Variants in ATP8A1 observed in about 807,000 individuals in gnomAD.
ATP8A1 encodes the protein ATPase phospholipid transporting 8A1.
Under a neutral mutation model 177.7 loss-of-function variants are expected in ATP8A1, and 90 were observed. That is an observed-to-expected ratio of 0.51 (90% confidence interval 0.43 to 0.60). The LOEUF (loss-of-function observed/expected upper bound fraction) is 0.60. Among genes scored for constraint, ATP8A1 ranks in the 20% least tolerant of loss-of-function variants. The pLI is 0.00. For missense variants in ATP8A1, 1,072 were observed against 1,392.8 expected, an observed-to-expected ratio of 0.77 and a Z score of 3.67; for synonymous variants, 493 against 485.9, an observed-to-expected ratio of 1.01 and a Z score of -0.19.
chr4:42,602,630 A>G (rs1042184861), intron 5 of ATP8A1, among the ~76,000 whole-genome samples: 142 of 152,186 alleles, frequency 9.3e-4, no homozygotes, highest in African/African-American at 3.3e-3. Flanking sequence ...TTAGCCAGGC[A>G]TGGTGGCGCA....
intron 9 of ATP8A1, among the ~76,000 whole-genome samples, chr4:42,584,724 C>G (rs909297590): frequency 6.6e-6 from 1 of 152,194 alleles, no homozygotes; most frequent in African/African-American, 2.4e-5. Context: ...ATCCTCATGG[C>G]TTTAAATATC....
chr4:42,543,230 C>A (rs1728583822), intron 20 of ATP8A1, among the ~76,000 whole-genome samples: 1 of 151,848 alleles, frequency 6.6e-6, no homozygotes, highest in Admixed American at 6.6e-5. Flanking sequence ...TTCTATGAGA[C>A]AAAGCAAGGT....
At chr4:42,634,298 G>C (rs558431661) in intron 1 of ATP8A1, among the ~76,000 whole-genome samples, 2 of 152,202 alleles carry the variant, frequency 1.3e-5, no homozygotes, top group Non-Finnish European at 2.9e-5. Flanking sequence ...AAGAAATGTA[G>C]GATTTTTAAA....
At chr4:42,433,354 C>T (rs1476916563) in intron 33 of ATP8A1, among the ~76,000 whole-genome samples, 1 of 152,206 alleles carries the variant, frequency 6.6e-6, no homozygotes, top group Non-Finnish European at 1.5e-5. Flanking sequence ...TGTGGGACTA[C>T]TCCATGACAA....
intron 25 of ATP8A1, among the ~76,000 whole-genome samples, chr4:42,482,822 A>G (rs1158188239): frequency 6.6e-6 from 1 of 152,218 alleles, no homozygotes; most frequent in Non-Finnish European, 1.5e-5. Flanking sequence ...GCAGAGGAAG[A>G]TCAGATTCTG....
At chr4:42,613,177 T>C (rs965054765) in intron 5 of ATP8A1, among the ~76,000 whole-genome samples, 2 of 152,268 alleles carry the variant, frequency 1.3e-5, no homozygotes, top group Non-Finnish European at 2.9e-5. Context: ...TCGAACATTT[T>C]TGTTATCTCC....
chr4:42,455,316 G>C lies in ATP8A1; in HGVS notation c.2798C>G (p.Ala933Gly), dbSNP rs771647511. ...TCCTACCTTGGTGTTGAAGTCCAGG[G>C]CATTCTGAGATGTTTTGTATAATTC... is the stretch of plus-strand genomic sequence containing the variant. Reference protein sequence around the residue: ...YPELYKTSQNALDFNTKVFWV... With the variant: ...YPELYKTSQNGLDFNTKVFWV... Residue 933 changes from alanine (A) to glycine (G), a missense_variant, in exon 29 of 37, where the codon GCC (alanine) becomes GGC (glycine). By Grantham distance (60) the Ala-to-Gly change is moderately conservative. Coordinates refer to ENST00000381668, the MANE Select transcript of ATP8A1 (RefSeq NM_006095.2). 3.1e-6 allele frequency: 5 copies of C among 1,613,632 alleles called. No individual in the cohort carries two copies. The Admixed American group carries it at 8.3e-5, about 27-fold the overall frequency.
At chr4:42,541,264 T>A (rs1728360401) in intron 20 of ATP8A1, among the ~76,000 whole-genome samples, 1 of 152,186 alleles carries the variant, frequency 6.6e-6, no homozygotes, top group South Asian at 2.1e-4. Context: ...TAAATAAGCA[T>A]ATGAAAAAAT....
At chr4:42,515,607 G>C (rs2153196584) in intron 22 of ATP8A1, among the ~76,000 whole-genome samples, 1 of 152,244 alleles carries the variant, frequency 6.6e-6, no homozygotes, top group South Asian at 2.1e-4. Flanking sequence ...ATGTAAAAAA[G>C]GATCACTACC....
chr4:42,522,281 AAAC>A lies in ATP8A1; in HGVS notation c.1823_1825del (p.Cys608del). On this transcript the variant is annotated inframe_deletion, in exon 22 of 37. Coordinates refer to ENST00000381668, the MANE Select transcript of ATP8A1 (RefSeq NM_006095.2). ...GCTCTCTGAAATCTCAGCCACAGCAAAACATAAAGTTCTTAACCCTGAAAAAGA... is the reference window on the plus strand; with the variant it reads ...GCTCTCTGAAATCTCAGCCACAGCAAATAAAGTTCTTAACCCTGAAAAAGA... 6.2e-7 allele frequency: 1 copy of A among 1,613,668 alleles called. No individual in the cohort carries two copies. The highest frequency in any genetic ancestry group is 8.5e-7 in the Non-Finnish European group (1 of 1,179,848).
chr4:42,601,322 C>A (rs955396919), intron 5 of ATP8A1, among the ~76,000 whole-genome samples: 3 of 150,796 alleles, frequency 2.0e-5, no homozygotes, highest in Admixed American at 1.3e-4. Context: ...AGGCGTGAGC[C>A]ACCGCGCCTG....
intron 5 of ATP8A1, among the ~76,000 whole-genome samples, chr4:42,603,451 G>A (rs933034471): frequency 9.9e-5 from 15 of 152,050 alleles, no homozygotes; most frequent in Admixed American, 5.2e-4. Flanking sequence ...ATTAGTTTGG[G>A]TATGGTTTTT....
rs78593257 is a variant in ATP8A1 at position 42,502,728 on chromosome 4, C to T, written c.2151+722G>A. Among the ~76,000 whole-genome samples, 851 of 152,320 alleles carry T rather than the reference C, an allele frequency of 5.6e-3. 9 individuals carry two copies. Among genetic ancestry groups the T allele is most frequent in the African/African-American group, 0.02 (814 of 41,566 alleles). On this transcript the variant is annotated intron_variant, in intron 24 of 36. Transcript: ENST00000381668. The stretch of plus-strand genomic sequence containing the variant: ...TTCCACGCATGTGGCCTCTCAGCTT[C>T]GTCAACATCCCTAATTACCAAGGTT...
intron 22 of ATP8A1, among the ~76,000 whole-genome samples, chr4:42,517,071 G>T (rs954921930): frequency 5.3e-5 from 8 of 151,684 alleles, no homozygotes; most frequent in Admixed American, 1.3e-4. Context: ...GAGGCCAAGG[G>T]GGGGTGGATC....
chr4:42,443,648 T>C lies in ATP8A1; in HGVS notation c.3040A>G (p.Ser1014Gly), dbSNP rs1716881653. Residue 1014 changes from serine to glycine, a missense_variant, in exon 33 of 37, where the codon AGC becomes GGC. Physicochemically the swap from Ser to Gly is moderately conservative, Grantham distance 56 (BLOSUM62 0). Coordinates refer to ENST00000381668, the MANE Select transcript of ATP8A1 (RefSeq NM_006095.2). ...TWFSHIAIWGSIALWVVFFGI... is the reference protein window; with the variant it reads ...TWFSHIAIWGGIALWVVFFGI... ...AAAAACACCACCCAGAGTGCGATGC[T>C]CCCCCATATCGCTATGTGGCTGAAC... 3.2e-6 allele frequency: 5 copies of C among 1,550,010 alleles called. No homozygotes were observed. The highest frequency in any genetic ancestry group is 1.4e-5 in the African/African-American group (1 of 73,576).
At chr4:42,568,072 T>C (rs1300027641) in intron 15 of ATP8A1, among the ~76,000 whole-genome samples, 2 of 152,210 alleles carry the variant, frequency 1.3e-5, no homozygotes, top group African/African-American at 2.4e-5. Context: ...ACTTGAATTA[T>C]CCACTAATAG....
At chr4:42,589,852 C>CT (rs5857854) in intron 7 of ATP8A1, among the ~76,000 whole-genome samples, 40,456 of 149,886 alleles carry the variant, frequency 0.27, 5,613 homozygotes, top group East Asian at 0.48. Context: ...TCTAATTCTA[C>CT]TTTTTTTTTT....
intron 24 of ATP8A1, among the ~76,000 whole-genome samples, chr4:42,495,969 A>G (rs1188804120): frequency 6.6e-6 from 1 of 152,232 alleles, no homozygotes; most frequent in East Asian, 1.9e-4. Flanking sequence ...AAGTGGTCCA[A>G]TCTCCCAGAA....
chr4:42,573,322 C>T (rs1262518855), intron 14 of ATP8A1, among the ~76,000 whole-genome samples: 1 of 152,156 alleles, frequency 6.6e-6, no homozygotes, highest in African/African-American at 2.4e-5. Flanking sequence ...TCTAGAATTG[C>T]AATAGGCTTT....
Sources: allele counts gnomAD v4.1 joint callset (sites outside exome capture counted in the v4.1 genomes callset), GRCh38; gene constraint gnomAD v4.1.1; transcripts MANE v1.5; gene names NCBI Gene and HGNC (gene_info 2026-07-23, HGNC 2026-07-21).